DNAJC13: variants seen among roughly 807,000 people sequenced by gnomAD.
DNAJC13 encodes DnaJ heat shock protein family (Hsp40) member C13.
DNAJC13 carries 75 observed loss-of-function variants against 290.5 expected under a neutral mutation model. The observed-to-expected ratio is 0.26, with a 90% confidence interval of 0.21 to 0.31. The LOEUF is 0.31. Among genes scored for constraint, DNAJC13 ranks in the 10% least tolerant of loss-of-function variants. DNAJC13 has a pLI of 1.00. For missense variants in DNAJC13, 2,260 were observed against 2,674.5 expected (o/e 0.85, Z 3.42); for synonymous variants, 862 against 892.0 (o/e 0.97, Z 0.60).
chr3:132,456,343 C>T lies in DNAJC13; in HGVS notation c.1041C>T (p.Ser347=). The T allele has an allele frequency of 6.2e-7, 1 of 1,613,982 alleles. No homozygotes were observed. Among genetic ancestry groups the T allele is most frequent in the Non-Finnish European group, 8.5e-7 (1 of 1,179,894 alleles). The part of the protein sequence containing the change: ...THKGQRWGLL[S]MPVDEEVESL... ...AAGGTCAGCGATGGGGGTTACTCAG[C>T]ATGCCTGTTGATGAGGAAGTAGAGA... Residue 347 remains serine (S), a synonymous_variant, in exon 10 of 56, where the codon AGC becomes AGT. Transcript: ENST00000260818.
chr3:132,454,232 G>A lies in DNAJC13; in HGVS notation c.932+75G>A, dbSNP rs1173696828. 3.2e-6 allele frequency: 3 copies of A among 949,404 alleles called. No individual in the cohort carries two copies. The East Asian group carries it at 9.0e-5, about 28-fold the overall frequency. 58.8% of individuals were successfully genotyped at this position (949,404 alleles called of 1,614,324 possible). A position where few individuals can be genotyped will look rare whatever the true frequency, so the allele number is the denominator to read the frequency against. On this transcript the variant is annotated intron_variant, in intron 9 of 55. Transcript: ENST00000260818. Reference sequence around the variant, plus strand: ...TGCTTGGTCAACAAGGAAAACCAAAGATATGTAGTCTAGAAATTTAAAATC... The same window carrying A: ...TGCTTGGTCAACAAGGAAAACCAAAAATATGTAGTCTAGAAATTTAAAATC...
rs1297369742 is a variant in DNAJC13 at position 132,503,347 on chromosome 3, T to C, written c.4850T>C (p.Val1617Ala). Residue 1617 changes from valine to alanine, a missense_variant, in exon 41 of 56, where the codon GTT (valine) becomes GCT (alanine). By Grantham distance (64) the Val-to-Ala change is moderately conservative (BLOSUM62 0). Coordinates refer to ENST00000260818, the MANE Select transcript of DNAJC13 (RefSeq NM_015268.4). ...TTAGCTGGCATGCTGACACCCTATG[T>C]TGCTAGAAAACTTGCTGTGGCTAGT... Reference protein sequence around the residue: ...KSLAGMLTPYVARKLAVASVT... With the variant: ...KSLAGMLTPYAARKLAVASVT... 3 of 1,614,012 alleles carry C rather than the reference T, an allele frequency of 1.9e-6. No individual in the cohort carries two copies. The highest frequency in any genetic ancestry group is 2.5e-6 in the Non-Finnish European group (3 of 1,179,992).
chr3:132,469,297 A>G (rs955976652), intron 20 of DNAJC13, among the ~76,000 whole-genome samples: 5 of 152,262 alleles, frequency 3.3e-5, no homozygotes, highest in African/African-American at 7.2e-5. Context: ...AATCATTGTC[A>G]AGATTAACTG....
rs1490057152 is a variant in DNAJC13, at chr3:132,499,253, T to C, written c.4284T>C (p.His1428=). ...LLPAATELAF[H]TVNCSALNAE... is the part of the protein sequence containing the mutation. The stretch of plus-strand genomic sequence containing the variant: ...CTGCGGCTACAGAGCTAGCTTTCCA[T>C]ACTGTCAACTGTTCAGCCCTCAATG... Residue 1428 remains histidine, a synonymous_variant, in exon 37 of 56, where the codon CAT becomes CAC. Coordinates refer to ENST00000260818, the MANE Select transcript of DNAJC13 (RefSeq NM_015268.4). 1 of 1,614,098 alleles carries C rather than the reference T, an allele frequency of 6.2e-7. No individual in the cohort carries two copies. Among genetic ancestry groups the C allele is most frequent in the Non-Finnish European group, 8.5e-7 (1 of 1,179,978 alleles).
At chr3:132,449,473 C>G (rs924206059) in intron 5 of DNAJC13, among the ~76,000 whole-genome samples, 3 of 152,126 alleles carry the variant, frequency 2.0e-5, no homozygotes, top group Admixed American at 1.3e-4. Flanking sequence ...GTGGCATTGA[C>G]TGATCTTTTG....
chr3:132,503,990 AG>A (rs1233560331), intron 41 of DNAJC13, among the ~76,000 whole-genome samples: 1 of 151,834 alleles, frequency 6.6e-6, no homozygotes, highest in Non-Finnish European at 1.5e-5. Context: ...AAAAAAAAAA[AG>A]AGTACTAAAA....
At position 132,480,353 on chromosome 3, in the gene DNAJC13, T is replaced by A. The variant is rs774790274; in HGVS notation, c.2773-16T>A. Reference sequence around the variant, plus strand: ...AAAAATGTTTAGATTACGAAAAAAATGTTTTCCTCTTCCAGAAAAATGTTA... The same window carrying A: ...AAAAATGTTTAGATTACGAAAAAAAAGTTTTCCTCTTCCAGAAAAATGTTA... On this transcript the variant is annotated splice_polypyrimidine_tract_variant and intron_variant, in intron 25 of 55. Transcript: ENST00000260818. 1 of 1,584,718 alleles carries A rather than the reference T, an allele frequency of 6.3e-7. No individual in the cohort carries two copies. The highest frequency in any genetic ancestry group is 1.1e-5 in the South Asian group (1 of 90,210).
intron 43 of DNAJC13, 143 bp from the exon 44 acceptor site, chr3:132,510,924 C>G: frequency 1.2e-6 from 1 of 841,976 alleles, no homozygotes; most frequent in East Asian, 2.5e-5. Context: ...CTCTACATCC[C>G]CCCTATAGTG....
chr3:132,526,987 TAC>T (rs748131059), intron 53 of DNAJC13, among the ~76,000 whole-genome samples: 27 of 152,200 alleles, frequency 1.8e-4, no homozygotes, highest in Non-Finnish European at 3.1e-4. Context: ...GGTCAAAAAG[TAC>T]AGTTTCTGTT....
At chr3:132,503,167 T>TG in intron 40 of DNAJC13, 47 bp from the exon 41 acceptor site, 1 of 1,586,900 alleles carries the variant, frequency 6.3e-7, no homozygotes, top group East Asian at 2.3e-5. Flanking sequence ...GTATTACCTA[T>TG]GTAAGATAAC....
At chr3:132,488,087 T>C (rs1934940398) in intron 29 of DNAJC13, among the ~76,000 whole-genome samples, 1 of 152,172 alleles carries the variant, frequency 6.6e-6, no homozygotes, top group Admixed American at 6.5e-5. Context: ...TACATTTTGA[T>C]CAATTCTCAA....
At chr3:132,473,325 C>T in intron 21 of DNAJC13, 98 bp downstream of exon 21, 2 of 802,412 alleles carry the variant, frequency 2.5e-6, no homozygotes, top group South Asian at 1.7e-5. Context: ...TGCTTTATGC[C>T]ACATGTATTT....
Position 132,475,075 on chromosome 3 carries a change from A to G in DNAJC13, c.2435A>G (p.His812Arg), listed in dbSNP as rs1343649404. 2 of 1,596,826 alleles carry G rather than the reference A, an allele frequency of 1.3e-6. No homozygotes were observed. Among genetic ancestry groups the G allele is most frequent in the South Asian group, 1.1e-5 (1 of 88,136 alleles). Residue 812 changes from histidine (H) to arginine (R), a missense_variant, in exon 22 of 56, where the codon CAT (histidine) becomes CGT (arginine). By Grantham distance (29) the His-to-Arg change is conservative (BLOSUM62 0). This residue lies in a region of DNAJC13 where 762 missense variants were observed against 964.1 expected (regional missense o/e 0.79). Coordinates refer to ENST00000260818, the MANE Select transcript of DNAJC13 (RefSeq NM_015268.4). ...GSANVISWNH[H>R]EFEVKYECLA... The stretch of plus-strand genomic sequence containing the variant: ...GCAAATGTGATCTCCTGGAACCACC[A>G]TGAGTTTGAGGTAAAGTTTGATTTT...
At position 132,488,582 on chromosome 3, in the gene DNAJC13, G is replaced by A. The variant is rs906369517; in HGVS notation, c.3422+130G>A. The A allele has an allele frequency of 2.3e-5, 22 of 950,446 alleles. No homozygotes were observed. The Admixed American group carries it at 2.6e-4, about 11-fold the overall frequency. 58.9% of individuals were successfully genotyped at this position (950,446 alleles called of 1,614,324 possible). On this transcript the variant is annotated intron_variant, in intron 30 of 55. Coordinates refer to ENST00000260818, the MANE Select transcript of DNAJC13 (RefSeq NM_015268.4). ...AATTGTAAAGGCTATTTAAGTACAT[G>A]TCTAAAGAGTTGGAAAGCAGAAGAA...
At chr3:132,532,106 G>A (rs11923334) in intron 55 of DNAJC13, among the ~76,000 whole-genome samples, 9,946 of 152,098 alleles carry the variant, frequency 0.065, 399 homozygotes, top group Middle Eastern at 0.092. Flanking sequence ...AATATGAGGC[G>A]GTTCTTGCTG....
Position 132,500,875 on chromosome 3 carries a change from A to C in DNAJC13, c.4498A>C (p.Ile1500Leu). Residue 1500 changes from isoleucine (I) to leucine (L), a missense_variant, in exon 39 of 56, where the codon ATC becomes CTC. By Grantham distance (5) the Ile-to-Leu change is conservative (BLOSUM62 2). Around this residue, in one of 3 missense-constraint regions of DNAJC13, gnomAD observed 1,494 missense variants for 1,693.7 expected, o/e 0.88. Transcript: ENST00000260818. The stretch of plus-strand genomic sequence containing the variant: ...AGAGAAGATCACGGAAATGCCTAGC[A>C]TCATCAAGGATCTCTGTCGGGTACT... ...CREKITEMPS[I>L]IKDLCRVLYF... The C allele has an allele frequency of 1.2e-6, 2 of 1,614,112 alleles. No individual in the cohort carries two copies. The highest frequency in any genetic ancestry group is 1.7e-6 in the Non-Finnish European group (2 of 1,179,950).
At chr3:132,515,742 A>G (rs2107736452) in intron 46 of DNAJC13, among the ~76,000 whole-genome samples, 1 of 152,352 alleles carries the variant, frequency 6.6e-6, no homozygotes, top group South Asian at 2.1e-4. Flanking sequence ...CTCTATCATT[A>G]AGACTTCAGA....
intron 39 of DNAJC13, among the ~76,000 whole-genome samples, chr3:132,501,372 C>T (rs756788914): frequency 6.6e-6 from 1 of 152,032 alleles, no homozygotes; most frequent in Non-Finnish European, 1.5e-5. Flanking sequence ...TGATGGCATG[C>T]GCCTGTAATC....
chr3:132,471,881 A>T lies in DNAJC13; in HGVS notation c.2209-1264A>T, dbSNP rs549875350. On this transcript the variant is annotated intron_variant, in intron 20 of 55. Transcript: ENST00000260818. ...GAGGCTGCAATCTCGGCACTTTGGG[A>T]GGCCAAGGCAGGCGGCTGGGAGGTG... Among the ~76,000 whole-genome samples, 651 of 145,484 alleles carry T rather than the reference A, an allele frequency of 4.5e-3. 4 individuals are homozygous for T. The highest frequency in any genetic ancestry group is 0.016 in the African/African-American group (629 of 40,502).
Sources: allele counts gnomAD v4.1 joint callset (sites outside exome capture counted in the v4.1 genomes callset), GRCh38; gene constraint gnomAD v4.1.1; regional missense constraint gnomAD v4.1.1; transcripts MANE v1.5; gene names NCBI Gene and HGNC (gene_info 2026-07-23, HGNC 2026-07-21).